Variants in NEXMIF observed in about 807,000 individuals in gnomAD.
NEXMIF encodes the protein XLMR protein related to neurite extension.
NEXMIF carries 8 observed loss-of-function variants against 62.1 expected under a neutral mutation model. The ratio of observed to expected loss-of-function variants is 0.13; its 90% CI spans 0.08 to 0.23. The LOEUF (loss-of-function observed/expected upper bound fraction) is 0.23, where lower values mean the gene tolerates loss of function less well. NEXMIF is among the 10% of genes least tolerant of loss of function. NEXMIF has a pLI of 1.00. For synonymous variants in NEXMIF, 404 were observed against 416.6 expected, an observed-to-expected ratio of 0.97 and a Z score of 0.37; for missense variants, 976 against 1,113.3, an observed-to-expected ratio of 0.88 and a Z score of 1.75.
chrX:74,877,067 A>G (rs906443199), intron 1 of NEXMIF, among the ~76,000 whole-genome samples: 7 of 111,387 alleles, frequency 6.3e-5, no homozygotes, highest in African/African-American at 2.3e-4. Flanking sequence ...TCGTTAGTTG[A>G]TGCAGTTTCT....
intron 1 of NEXMIF, among the ~76,000 whole-genome samples, chrX:74,858,465 G>A (rs921581440): frequency 8.9e-6 from 1 of 112,380 alleles, no homozygotes; most frequent in Non-Finnish European, 1.9e-5. Flanking sequence ...AGCATTACTG[G>A]GTTTGGGGAG....
At chrX:74,815,048 A>G (rs1171480820) in intron 1 of NEXMIF, among the ~76,000 whole-genome samples, 1 of 112,377 alleles carries the variant, frequency 8.9e-6, no homozygotes, top group Non-Finnish European at 1.9e-5. Context: ...TTTACCCTTA[A>G]TACATATTCT....
chrX:74,922,806 A>T (rs1209204893), intron 1 of NEXMIF, among the ~76,000 whole-genome samples: 1 of 112,025 alleles, frequency 8.9e-6, no homozygotes, highest in African/African-American at 3.2e-5. Flanking sequence ...TGTTAAAATC[A>T]CAGATCTGAA....
intron 1 of NEXMIF, among the ~76,000 whole-genome samples, chrX:74,761,015 G>A (rs1045697000): frequency 4.6e-5 from 5 of 109,745 alleles, no homozygotes; most frequent in African/African-American, 1.7e-4. Flanking sequence ...CTACAGGCAG[G>A]CATTACCACG....
At chrX:74,902,480 AC>A (rs775283311) in intron 1 of NEXMIF, among the ~76,000 whole-genome samples, 28 of 111,089 alleles carry the variant, frequency 2.5e-4, no homozygotes, top group Non-Finnish European at 3.8e-4. Flanking sequence ...GTTGGGTCTT[AC>A]AAAAAAAGGT....
intron 1 of NEXMIF, among the ~76,000 whole-genome samples, chrX:74,911,773 A>G (rs2080791115): frequency 8.9e-6 from 1 of 112,462 alleles, no homozygotes; most frequent in Non-Finnish European, 1.9e-5. Flanking sequence ...AGTGGATTTG[A>G]CTGTGTTATG....
intron 3 of NEXMIF, 60 bp from the exon 4 acceptor site, chrX:74,739,558 G>A: frequency 2.8e-6 from 2 of 716,974 alleles, no homozygotes; most frequent in Non-Finnish European, 2.1e-6. Flanking sequence ...GTCCCACAAA[G>A]GGATCATACA....
intron 1 of NEXMIF, among the ~76,000 whole-genome samples, chrX:74,776,450 G>A (rs2080228658): frequency 2.7e-5 from 3 of 111,448 alleles, no homozygotes; most frequent in African/African-American, 9.8e-5. Flanking sequence ...TCTTGGCCGG[G>A]CGCGGTGGCT....
Position 74,733,832 on chromosome X carries a change from A to T in NEXMIF, c.*5573T>A, listed in dbSNP as rs1484694533. The T allele has an allele frequency of 8.9e-6, 1 of 112,157 alleles. No homozygotes were observed. The highest frequency in any genetic ancestry group is 9.5e-5 in the Admixed American group (1 of 10,520). 9.2% of individuals were successfully genotyped at this position (112,157 alleles called of 1,213,427 possible). On this transcript the variant is annotated 3_prime_UTR_variant, in exon 4 of 4. Coordinates refer to ENST00000055682, the MANE Select transcript of NEXMIF (RefSeq NM_001008537.3). ...GTTACAAAATTTCCAACAAAAGTGT[A>T]TTTTTTTTCTTTGTATTGTGGTTTC... is the stretch of plus-strand genomic sequence containing the variant.
chrX:74,900,462 C>CA (rs758887978), intron 1 of NEXMIF, among the ~76,000 whole-genome samples: 1,416 of 32,879 alleles, frequency 0.043, 42 homozygotes, highest in African/African-American at 0.11. Context: ...GACTCCGTCT[C>CA]AAAAAAAAAA....
intron 1 of NEXMIF, among the ~76,000 whole-genome samples, chrX:74,806,968 T>G (rs1378164583): frequency 6.2e-5 from 7 of 112,807 alleles, no homozygotes; most frequent in Non-Finnish European, 1.9e-5. Context: ...GTCTTATAAT[T>G]GCATAGTGTC....
chrX:74,751,545 T>C (rs998692772), intron 1 of NEXMIF, among the ~76,000 whole-genome samples: 2 of 105,818 alleles, frequency 1.9e-5, no homozygotes, highest in Non-Finnish European at 3.9e-5. Flanking sequence ...TGGAGTGCAG[T>C]GGCATGATCT....
At chrX:74,892,111 C>A (rs978248636) in intron 1 of NEXMIF, among the ~76,000 whole-genome samples, 2 of 112,210 alleles carry the variant, frequency 1.8e-5, no homozygotes, top group African/African-American at 6.5e-5. Flanking sequence ...GGCAATAAAG[C>A]CTAATTAGTT....
At chrX:74,791,864 T>C (rs1217253598) in intron 1 of NEXMIF, among the ~76,000 whole-genome samples, 5 of 111,044 alleles carry the variant, frequency 4.5e-5, no homozygotes, top group African/African-American at 1.6e-4. Context: ...AGATTCTTCT[T>C]TTTTTCTTTA....
intron 1 of NEXMIF, among the ~76,000 whole-genome samples, chrX:74,812,365 T>TA (rs1028358651): frequency 2.7e-5 from 3 of 112,072 alleles, no homozygotes; most frequent in Non-Finnish European, 3.8e-5. Flanking sequence ...GCCTCTTCAT[T>TA]AAAAAAATTT....
At position 74,925,409 on chromosome X, in the gene NEXMIF, T is replaced by TGGC. The variant is rs749124713; in HGVS notation, c.-577_-575dup. On this transcript the variant is annotated 5_prime_UTR_variant, in exon 1 of 4. Coordinates refer to ENST00000055682, the MANE Select transcript of NEXMIF (RefSeq NM_001008537.3). ...AATGCTACTGCTGTGGCGGCGGTGG[T>TGGC]GGCGGCGGCGGCTGCTGCTGCTGCT... 2.0e-5 allele frequency: 4 copies of TGGC among 195,871 alleles called. No homozygotes were observed. The highest frequency in any genetic ancestry group is 2.1e-4 in the East Asian group (1 of 4,784). The allele number at this position is 195,871 out of a possible 1,213,427, so 16.1% of individuals were successfully genotyped here. A position where few individuals can be genotyped will look rare whatever the true frequency, so the allele number is the denominator to read the frequency against.
intron 1 of NEXMIF, among the ~76,000 whole-genome samples, chrX:74,809,557 A>C (rs1392224128): frequency 8.9e-6 from 1 of 111,974 alleles, no homozygotes; most frequent in East Asian, 2.8e-4. Context: ...AAAAGTTTTG[A>C]TGCACCCAAC....
intron 1 of NEXMIF, among the ~76,000 whole-genome samples, chrX:74,843,668 C>T (rs1308644170): frequency 1.8e-5 from 2 of 112,012 alleles, no homozygotes; most frequent in East Asian, 5.6e-4. Context: ...CCTGCCTCAG[C>T]CTCCCAAAGT....
chrX:74,801,367 T>C (rs1446496230), intron 1 of NEXMIF, among the ~76,000 whole-genome samples: 3 of 111,806 alleles, frequency 2.7e-5, no homozygotes, highest in African/African-American at 9.8e-5. Context: ...GGTAAGAATA[T>C]GATAAGCTTT....
Sources: allele counts gnomAD v4.1 joint callset (sites outside exome capture counted in the v4.1 genomes callset), GRCh38; gene constraint gnomAD v4.1.1; transcripts MANE v1.5; gene names NCBI Gene and HGNC (gene_info 2026-07-23, HGNC 2026-07-21).